Variants in PDK3 observed in about 807,000 individuals in gnomAD.
The protein encoded by PDK3 is pyruvate dehydrogenase kinase, isozyme 3.
PDK3 carries 12 observed loss-of-function variants against 32.0 expected under a neutral mutation model. That is an observed-to-expected ratio of 0.37 (90% CI 0.24 to 0.61). The LOEUF is 0.61. Ranked by LOEUF, PDK3 falls within the 20% of genes least tolerant of loss-of-function variation. The pLI, the probability that PDK3 is intolerant of heterozygous loss-of-function variation, is 0.65. For synonymous variants in PDK3, 122 were observed against 116.3 expected (o/e 1.05, Z -0.31); for missense variants, 188 against 316.9 (o/e 0.59, Z 3.09).
exon 12 of PDK3, among the ~76,000 whole-genome samples, chrX:24,542,207 C>T (rs1345956494): frequency 8.9e-6 from 1 of 112,151 alleles, no homozygotes; most frequent in Non-Finnish European, 1.9e-5. Flanking sequence ...GATAGATCCG[C>T]AGGAGCCATC....
Position 24,465,447 on chromosome X carries a change from C to T in PDK3, c.-9C>T, listed in dbSNP as rs1227106280. 9 of 1,190,753 alleles carry T rather than the reference C, an allele frequency of 7.6e-6. No homozygotes were observed. The Admixed American group carries it at 1.3e-4, about 17-fold the overall frequency. On this transcript the variant is annotated 5_prime_UTR_variant, in exon 1 of 11. Transcript: ENST00000379162. ...CGTCTAGGCGGGTCTGTGCGCCGCC[C>T]GGGCGAGGATGCGGCTGTTCCGGTG...
chrX:24,481,931 G>A (rs1306652031), intron 1 of PDK3, among the ~76,000 whole-genome samples: 1 of 112,035 alleles, frequency 8.9e-6, no homozygotes, highest in Non-Finnish European at 1.9e-5. Context: ...CCCAAGTAAG[G>A]AAGAGACTAT....
chrX:24,518,542 G>C (rs935490169), intron 5 of PDK3, among the ~76,000 whole-genome samples: 6 of 111,443 alleles, frequency 5.4e-5, no homozygotes, highest in Admixed American at 9.5e-5. Flanking sequence ...AGATTGGCTG[G>C]GCATGGTGGC....
chrX:24,467,756 G>C (rs1348628807), intron 1 of PDK3, among the ~76,000 whole-genome samples: 1 of 111,955 alleles, frequency 8.9e-6, no homozygotes, highest in Non-Finnish European at 1.9e-5. Context: ...TGAGGAGAGA[G>C]GAGGAGTGAA....
chrX:24,549,657 TAAG>T (rs1253112255), exon 12 of PDK3: 1 of 111,666 alleles, frequency 9.0e-6, no homozygotes, highest in Non-Finnish European at 1.9e-5. Context: ...GACCCATTTT[TAAG>T]AAGAACGGAA....
At position 24,465,404 on chromosome X, in the gene PDK3, C is replaced by T; in HGVS notation, c.-52C>T. On this transcript the variant is annotated 5_prime_UTR_variant, in exon 1 of 11. Coordinates refer to ENST00000379162, the MANE Select transcript of PDK3 (RefSeq NM_005391.5). ...TATCCGTGCGGCTTGGCTGCGCCAG[C>T]CCTTGCGGCCACCCGGGCGTCTAGG... is the stretch of plus-strand genomic sequence containing the variant. The T allele has an allele frequency of 2.1e-6, 2 of 959,656 alleles. No individual in the cohort carries two copies. The highest frequency in any genetic ancestry group is 2.9e-6 in the Non-Finnish European group (2 of 684,147). The allele number at this position is 959,656 out of a possible 1,213,427, so 79.1% of individuals were successfully genotyped here.
chrX:24,514,514 A>G (rs1922204253), intron 5 of PDK3, among the ~76,000 whole-genome samples: 1 of 112,027 alleles, frequency 8.9e-6, no homozygotes, highest in Non-Finnish European at 1.9e-5. Flanking sequence ...TGAAATTTTG[A>G]TTTCTAATTT....
intron 5 of PDK3, among the ~76,000 whole-genome samples, chrX:24,514,028 C>A (rs980481227): frequency 1.8e-5 from 2 of 111,491 alleles, no homozygotes; most frequent in African/African-American, 6.5e-5. Context: ...TCAAATTCAT[C>A]CTAGTCCAGC....
At chrX:24,491,241 G>T (rs113534229) in intron 1 of PDK3, among the ~76,000 whole-genome samples, 1 of 105,019 alleles carries the variant, frequency 9.5e-6, no homozygotes, top group Non-Finnish European at 1.9e-5. Context: ...CTTGAACTCG[G>T]GAGGTGGAGG....
intron 1 of PDK3, among the ~76,000 whole-genome samples, chrX:24,469,440 T>C (rs1160860303): frequency 9.1e-6 from 1 of 110,389 alleles, no homozygotes; most frequent in East Asian, 2.8e-4. Flanking sequence ...TAGATAGAAT[T>C]TTTTTCTCCT....
intron 6 of PDK3, among the ~76,000 whole-genome samples, 187 bp from the exon 7 acceptor site, chrX:24,526,011 T>G (rs771193443): frequency 4.4e-4 from 50 of 112,864 alleles, no homozygotes; most frequent in Non-Finnish European, 8.2e-4. Context: ...AGGAACTGGG[T>G]GTCACCCCAG....
At chrX:24,509,781 A>T (rs1922075253) in intron 5 of PDK3, among the ~76,000 whole-genome samples, 1 of 111,678 alleles carries the variant, frequency 9.0e-6, no homozygotes, top group African/African-American at 3.3e-5. Flanking sequence ...TACCCACAGC[A>T]CACTAAATAC....
chrX:24,465,760 C>A (rs1454444318), intron 1 of PDK3, among the ~76,000 whole-genome samples, 199 bp downstream of exon 1: 1 of 111,848 alleles, frequency 8.9e-6, no homozygotes, highest in Non-Finnish European at 1.9e-5. Flanking sequence ...CTGGGACTTA[C>A]CCGGAGACAC....
chrX:24,511,535 A>G (rs1922117671), intron 5 of PDK3, among the ~76,000 whole-genome samples: 1 of 105,907 alleles, frequency 9.4e-6, no homozygotes, highest in Admixed American at 9.9e-5. Flanking sequence ...TTGTGTGCAC[A>G]CATGTGTGTT....
At chrX:24,509,512 G>GCA in intron 5 of PDK3, among the ~76,000 whole-genome samples, 1 of 109,869 alleles carries the variant, frequency 9.1e-6, no homozygotes, top group South Asian at 3.9e-4. Flanking sequence ...ACATACACAT[G>GCA]CACACACACA....
At chrX:24,522,025 T>G (rs1340526473) in intron 6 of PDK3, among the ~76,000 whole-genome samples, 1 of 112,126 alleles carries the variant, frequency 8.9e-6, no homozygotes, top group Non-Finnish European at 1.9e-5. Flanking sequence ...CCTGAACACC[T>G]TAAGTGGATG....
In PDK3 at chrX:24,480,363, G is replaced by A. The variant is rs762147645; in HGVS notation, c.107-14379G>A. Among the ~76,000 whole-genome samples the A allele has an allele frequency of 8.0e-5, 9 of 112,255 alleles. No homozygotes were observed. In the South Asian group the frequency reaches 3.3e-3, roughly 41 times the overall value. Reference sequence around the variant, plus strand: ...TGCTTAATAGCCATTGTCTGGGCTTGAGGAGTTCTTTGATTTGTTTACCCT... The same window carrying A: ...TGCTTAATAGCCATTGTCTGGGCTTAAGGAGTTCTTTGATTTGTTTACCCT... On this transcript the variant is annotated intron_variant, in intron 1 of 10. Transcript: ENST00000379162.
intron 1 of PDK3, among the ~76,000 whole-genome samples, chrX:24,486,500 A>G (rs1288343515): frequency 1.8e-5 from 2 of 111,732 alleles, no homozygotes; most frequent in African/African-American, 6.5e-5. Context: ...TGTGAGTATC[A>G]TAATATGGAC....
rs1208133168 is a variant in PDK3 at position 24,481,051 on chromosome X, T to TTC, written c.107-13690_107-13689insCT. 2.7e-4 allele frequency among the ~76,000 whole-genome samples: 28 copies of TTC among 104,415 alleles called. No individual in the cohort carries two copies. In the East Asian group the frequency reaches 7.0e-3, roughly 26 times the overall value. The allele number at this position is 104,415 out of a possible 115,157, so 90.7% of individuals were successfully genotyped here. ...ATGTGCATACTCTTTTTCTTTTTCTTTTTTTTTTTTTTGACAAAGTCTTGC... is the reference window on the plus strand; with the variant it reads ...ATGTGCATACTCTTTTTCTTTTTCTTTCTTTTTTTTTTTTGACAAAGTCTTGC... On this transcript the variant is annotated intron_variant, in intron 1 of 10. Coordinates refer to ENST00000379162, the MANE Select transcript of PDK3 (RefSeq NM_005391.5).
Sources: gnomAD v4.1 joint callset for allele counts (sites outside exome capture counted in the v4.1 genomes callset) on GRCh38, gnomAD v4.1.1 for gene constraint, MANE v1.5 for transcripts, NCBI Gene and HGNC (gene_info 2026-07-23, HGNC 2026-07-21) for gene names.